Variants in TBCA observed in about 807,000 individuals in gnomAD.
TBCA encodes the protein tubulin-specific chaperone A.
TBCA carries 6 observed loss-of-function variants against 15.8 expected under a neutral mutation model. The observed-to-expected ratio is 0.38, with a 90% CI of 0.21 to 0.75. The LOEUF (loss-of-function observed/expected upper bound fraction) is 0.75. TBCA is among the 30% of genes least tolerant of loss of function. The pLI is 0.46. For synonymous variants in TBCA, 32 were observed against 42.3 expected, an observed-to-expected ratio of 0.76 and a Z score of 0.94; for missense variants, 90 against 131.2, an observed-to-expected ratio of 0.69 and a Z score of 1.53.
chr5:77,706,336 G>T (rs1457123123), intron 2 of TBCA, among the ~76,000 whole-genome samples: 1 of 152,142 alleles, frequency 6.6e-6, no homozygotes, highest in African/African-American at 2.4e-5. Context: ...AAGACCAAGT[G>T]ATCTGAGGTA....
chr5:77,699,724 T>C (rs929991218), intron 2 of TBCA, among the ~76,000 whole-genome samples: 1 of 152,144 alleles, frequency 6.6e-6, no homozygotes, highest in African/African-American at 2.4e-5. Context: ...GAAGTACTGA[T>C]AAATTGGACA....
intron 2 of TBCA, among the ~76,000 whole-genome samples, chr5:77,693,898 C>T (rs192280167): frequency 1.0e-3 from 151 of 151,168 alleles, no homozygotes; most frequent in African/African-American, 3.4e-3. Flanking sequence ...TTGGTAATCA[C>T]CTTCTCATGC....
At chr5:77,757,569 T>C (rs1747505464) in intron 1 of TBCA, among the ~76,000 whole-genome samples, 1 of 152,250 alleles carries the variant, frequency 6.6e-6, no homozygotes, top group Admixed American at 6.5e-5. Context: ...AGGGATTCTC[T>C]GGAGGCAGGG....
At chr5:77,736,516 A>G (rs1055767982) in intron 1 of TBCA, among the ~76,000 whole-genome samples, 1 of 151,546 alleles carries the variant, frequency 6.6e-6, no homozygotes, top group Admixed American at 6.6e-5. Context: ...ACATTAAAAA[A>G]CCTCTGCGTG....
At chr5:77,763,686 C>A (rs1266506743) in intron 1 of TBCA, among the ~76,000 whole-genome samples, 1 of 152,180 alleles carries the variant, frequency 6.6e-6, no homozygotes, top group Non-Finnish European at 1.5e-5. Flanking sequence ...CAGTCCTCAA[C>A]CCAAAGAGAG....
intron 1 of TBCA, among the ~76,000 whole-genome samples, chr5:77,770,737 A>C (rs1166229278): frequency 1.3e-5 from 2 of 149,752 alleles, no homozygotes; most frequent in Non-Finnish European, 3.0e-5. Context: ...TTAAAAAAAA[A>C]AGAAAAAAAA....
At chr5:77,722,844 T>C (rs1257606086) in intron 1 of TBCA, among the ~76,000 whole-genome samples, 7 of 151,916 alleles carry the variant, frequency 4.6e-5, no homozygotes, top group South Asian at 4.1e-4. Context: ...AAATAAAATA[T>C]ATTATCAATT....
At chr5:77,717,102 A>G (rs1293374662) in intron 1 of TBCA, among the ~76,000 whole-genome samples, 1 of 152,234 alleles carries the variant, frequency 6.6e-6, no homozygotes, top group African/African-American at 2.4e-5. Flanking sequence ...GCCTAAAAAG[A>G]CAGGTCAATC....
intron 1 of TBCA, among the ~76,000 whole-genome samples, chr5:77,728,316 A>T (rs1283727661): frequency 6.6e-6 from 1 of 152,174 alleles, no homozygotes; most frequent in Admixed American, 6.5e-5. Flanking sequence ...AAGCTTATAC[A>T]TATGATTTAC....
intron 1 of TBCA, among the ~76,000 whole-genome samples, chr5:77,772,148 T>A (rs1468432653): frequency 6.6e-6 from 1 of 151,614 alleles, no homozygotes; most frequent in Non-Finnish European, 1.5e-5. Context: ...GAATCATGAA[T>A]TAAGGTATCT....
chr5:77,760,041 TTTC>T (rs1747574253), intron 1 of TBCA, among the ~76,000 whole-genome samples: 1 of 152,208 alleles, frequency 6.6e-6, no homozygotes, highest in Non-Finnish European at 1.5e-5. Flanking sequence ...ATCTGCCCTT[TTTC>T]TTCTTCTCCC....
rs942534929 is a variant in TBCA at position 77,763,116 on chromosome 5, C to T, written c.53+13089G>A. On this transcript the variant is annotated intron_variant, in intron 1 of 3. Coordinates refer to ENST00000380377, the MANE Select transcript of TBCA (RefSeq NM_004607.3). Reference sequence around the variant, plus strand: ...AAAATTAGCCGGGCGTGATGGCGGGCGCCTGTAGTCCCAGCTACGCGGGAG... The same window carrying T: ...AAAATTAGCCGGGCGTGATGGCGGGTGCCTGTAGTCCCAGCTACGCGGGAG... Among the ~76,000 whole-genome samples the T allele has an allele frequency of 1.1e-3, 174 of 152,122 alleles. 1 individual carries two copies. The highest frequency in any genetic ancestry group is 4.0e-3 in the African/African-American group (167 of 41,516).
chr5:77,703,853 T>C (rs1746080094), intron 2 of TBCA, among the ~76,000 whole-genome samples: 1 of 152,178 alleles, frequency 6.6e-6, no homozygotes, highest in African/African-American at 2.4e-5. Context: ...TTGTAATCCA[T>C]ACATGTTAGG....
In TBCA at chr5:77,702,871, G is replaced by T. The variant is rs1746053926; in HGVS notation, c.159+5371C>A. 2.6e-5 allele frequency among the ~76,000 whole-genome samples: 4 copies of T among 152,242 alleles called. No homozygotes were observed. The South Asian group carries it at 8.3e-4, about 32-fold the overall frequency. Reference sequence around the variant, plus strand: ...ACCAAGAGACAAACACATTTTCTTGGATGATTGTAAGTTATTTTCCATATT... The same window carrying T: ...ACCAAGAGACAAACACATTTTCTTGTATGATTGTAAGTTATTTTCCATATT... On this transcript the variant is annotated intron_variant, in intron 2 of 3. Transcript: ENST00000380377.
chr5:77,753,318 G>A (rs949625590), intron 1 of TBCA, among the ~76,000 whole-genome samples: 18 of 152,204 alleles, frequency 1.2e-4, no homozygotes, highest in African/African-American at 4.3e-4. Flanking sequence ...TTTTCTTTAA[G>A]TCAATTGATT....
At chr5:77,769,488 C>T (rs951100389) in intron 1 of TBCA, among the ~76,000 whole-genome samples, 1 of 152,104 alleles carries the variant, frequency 6.6e-6, no homozygotes, top group Non-Finnish European at 1.5e-5. Context: ...GTGTCATTTG[C>T]ATTCTTCACT....
rs1554043961 is a variant in TBCA at position 77,714,575 on chromosome 5, A to ATTATT, written c.54-6229_54-6228insAATAA. Among the ~76,000 whole-genome samples the ATTATT allele has an allele frequency of 5.9e-3, 881 of 149,016 alleles. 7 individuals carry two copies. The highest frequency in any genetic ancestry group is 8.7e-3 in the Non-Finnish European group (585 of 67,298). ...AACAATTATTACTATTATTATTATT[A>ATTATT]TTTTTTTTTGAGATGGAGTCTGTCT... On this transcript the variant is annotated intron_variant, in intron 1 of 3. Coordinates refer to ENST00000380377, the MANE Select transcript of TBCA (RefSeq NM_004607.3).
intron 1 of TBCA, among the ~76,000 whole-genome samples, chr5:77,734,107 T>A (rs932474236): frequency 1.3e-5 from 2 of 152,160 alleles, no homozygotes; most frequent in African/African-American, 4.8e-5. Context: ...AAAAAAAGAC[T>A]CCTTTCAAAA....
intron 1 of TBCA, among the ~76,000 whole-genome samples, chr5:77,775,815 G>A (rs1318125899): frequency 6.6e-6 from 1 of 152,212 alleles, no homozygotes; most frequent in Non-Finnish European, 1.5e-5. Context: ...GAGCACAGCT[G>A]GGATCCCGCT....
Sources: gnomAD v4.1 joint callset for allele counts (sites outside exome capture counted in the v4.1 genomes callset) on GRCh38, gnomAD v4.1.1 for gene constraint, MANE v1.5 for transcripts, NCBI Gene and HGNC (gene_info 2026-07-23, HGNC 2026-07-21) for gene names.